PDXDC1: variants seen among roughly 807,000 people sequenced by gnomAD.
PDXDC1 encodes the protein pyridoxal dependent decarboxylase domain containing 1, also known as pyridoxal-dependent decarboxylase domain-containing protein 1.
PDXDC1 carries 42 observed loss-of-function variants against 100.1 expected under a neutral mutation model. The ratio of observed to expected loss-of-function variants is 0.42; its 90% confidence interval spans 0.33 to 0.54. The LOEUF (loss-of-function observed/expected upper bound fraction) is 0.54. PDXDC1 is among the 20% of genes least tolerant of loss of function. The pLI is 0.10. For synonymous variants in PDXDC1, 260 were observed against 371.7 expected, an observed-to-expected ratio of 0.70 and a Z score of 3.46; for missense variants, 636 against 979.2, an observed-to-expected ratio of 0.65 and a Z score of 4.68.
At position 15,131,082 on chromosome 16, in the gene PDXDC1, C is replaced by A. The variant is rs181894269; in HGVS notation, c.1400-7797C>A. ...GGCCGCGTGTGCCTCACCCGCTGCA[C>A]GCACCGTCCAGCAGCGTATAGTTGA... On this transcript the variant is annotated intron_variant, in intron 16 of 16. Coordinates refer to the PDXDC1 transcript ENST00000535621. 2.5e-6 allele frequency: 4 copies of A among 1,605,544 alleles called. No individual in the cohort carries two copies. The South Asian group carries it at 3.3e-5, about 13-fold the overall frequency.
At chr16:15,008,354 T>C (rs1453144573) in intron 6 of PDXDC1, among the ~76,000 whole-genome samples, 1 of 152,288 alleles carries the variant, frequency 6.6e-6, no homozygotes, top group Non-Finnish European at 1.5e-5. Context: ...TTTATTACTT[T>C]TTAGGGGTGG....
chr16:15,023,128 TG>T (rs978345283), intron 13 of PDXDC1, among the ~76,000 whole-genome samples: 11 of 152,298 alleles, frequency 7.2e-5, no homozygotes, highest in African/African-American at 2.7e-4. Context: ...CAGAATGCTT[TG>T]GGGTTCTCTT....
intron 16 of PDXDC1, among the ~76,000 whole-genome samples, chr16:15,085,884 TA>T (rs1433115206): frequency 6.6e-6 from 1 of 152,170 alleles, no homozygotes; most frequent in Admixed American, 6.6e-5. Flanking sequence ...TTATAGTTTT[TA>T]AACGGCTAAA....
chr16:15,067,037 TC>T (rs2045010294), intron 16 of PDXDC1, among the ~76,000 whole-genome samples: 1 of 146,716 alleles, frequency 6.8e-6, no homozygotes, highest in African/African-American at 2.5e-5. Flanking sequence ...CTGCTCACCA[TC>T]TTAACCAACG....
chr16:15,045,295 C>G (rs1315577951), intron 16 of PDXDC1: 2 of 151,074 alleles, frequency 1.3e-5, no homozygotes, highest in Non-Finnish European at 2.9e-5. Flanking sequence ...AAGACTCCGT[C>G]TCAGGGGGAA....
chr16:15,139,862 C>T (rs1474359464), downstream of PDXDC1, among the ~76,000 whole-genome samples: 3 of 151,880 alleles, frequency 2.0e-5, no homozygotes, highest in Non-Finnish European at 4.4e-5. Flanking sequence ...CTTTGGGAGG[C>T]CAAGGTGGGT....
intron 16 of PDXDC1, chr16:15,047,816 C>CAGTTTA: frequency 6.6e-7 from 1 of 1,517,082 alleles, no homozygotes; most frequent in Non-Finnish European, 9.2e-7. Context: ...AAGGTTGGGT[C>CAGTTTA]AGTTTAAGTA....
chr16:15,068,673 T>C (rs545188088), intron 16 of PDXDC1, among the ~76,000 whole-genome samples: 123 of 152,364 alleles, frequency 8.1e-4, no homozygotes, highest in Admixed American at 1.4e-3. Context: ...CTAGCTTGCA[T>C]GTCTTGTTAG....
chr16:15,073,297 A>G (rs1470097290), intron 16 of PDXDC1, among the ~76,000 whole-genome samples: 1 of 152,158 alleles, frequency 6.6e-6, no homozygotes, highest in Non-Finnish European at 1.5e-5. Flanking sequence ...TGTCTCTACA[A>G]AAAATCAAAA....
chr16:15,055,480 G>A (rs1298476275), intron 16 of PDXDC1, among the ~76,000 whole-genome samples: 1 of 152,234 alleles, frequency 6.6e-6, no homozygotes, highest in Non-Finnish European at 1.5e-5. Context: ...CCTGCTTCAC[G>A]GGGACGCAAG....
chr16:15,035,974 T>C, intron 22 of PDXDC1, 42 bp from the exon 23 acceptor site: 3 of 1,570,112 alleles, frequency 1.9e-6, no homozygotes, highest in Non-Finnish European at 2.6e-6. Flanking sequence ...TGCAGAAGTA[T>C]CCTCACTGAG....
intron 5 of PDXDC1, among the ~76,000 whole-genome samples, chr16:15,004,763 C>A (rs1253813806): frequency 6.6e-6 from 1 of 152,250 alleles, no homozygotes; most frequent in African/African-American, 2.4e-5. Flanking sequence ...ATGCTCAAAT[C>A]CCTTATATAA....
At chr16:15,104,571 G>C (rs191329109) in intron 16 of PDXDC1, 2 of 1,598,734 alleles carry the variant, frequency 1.3e-6, no homozygotes, top group Non-Finnish European at 1.7e-6. Flanking sequence ...ATCATCCGCT[G>C]AGGGTGGAAG....
chr16:14,989,915 C>T (rs1266454465), intron 1 of PDXDC1: 32 of 1,508,130 alleles, frequency 2.1e-5, no homozygotes, highest in Admixed American at 1.3e-4. Context: ...CCAGCGGTAC[C>T]GCCTCGCCGC....
At chr16:15,128,169 G>T in intron 16 of PDXDC1, 1 of 1,609,858 alleles carries the variant, frequency 6.2e-7, no homozygotes, top group Non-Finnish European at 8.5e-7. Flanking sequence ...CAGGCTCGCA[G>T]GGCGCCCCAA....
At position 15,037,077 on chromosome 16, in the gene PDXDC1, A is replaced by G. The variant is rs576501224; in HGVS notation, c.*802A>G. 6.6e-6 allele frequency: 1 copy of G among 152,224 alleles called. No individual in the cohort carries two copies. The highest frequency in any genetic ancestry group is 1.5e-5 in the Non-Finnish European group (1 of 68,046). 9.4% of individuals were successfully genotyped at this position (152,224 alleles called of 1,614,324 possible). On this transcript the variant is annotated 3_prime_UTR_variant, in exon 23 of 23. Transcript: ENST00000396410. ...TTAAGAGCTTGCTCTTCCGTGTGCT[A>G]CGTAGCACCCACCTGGTTAAAATCT...
At chr16:15,093,449 T>G (rs547629915) in intron 16 of PDXDC1, among the ~76,000 whole-genome samples, 2 of 152,322 alleles carry the variant, frequency 1.3e-5, no homozygotes, top group East Asian at 3.9e-4. Context: ...TATTGGCCTA[T>G]GTACTGCCTT....
chr16:15,052,858 CAGGAA>C (rs1430563061), intron 16 of PDXDC1, among the ~76,000 whole-genome samples: 1 of 151,934 alleles, frequency 6.6e-6, no homozygotes, highest in Non-Finnish European at 1.5e-5. Context: ...ATAATAAAAG[CAGGAA>C]CTAAGCTACG....
chr16:15,096,270 A>T (rs1426653104), intron 16 of PDXDC1, among the ~76,000 whole-genome samples: 1 of 151,846 alleles, frequency 6.6e-6, no homozygotes. Context: ...CACCATGCCC[A>T]GCTAATTTTT....
Sources: allele counts gnomAD v4.1 joint callset (sites outside exome capture counted in the v4.1 genomes callset), GRCh38; gene constraint gnomAD v4.1.1; transcripts MANE v1.5; gene names NCBI Gene and HGNC (gene_info 2026-07-23, HGNC 2026-07-21).